Variants in PDE6C observed in about 807,000 individuals in gnomAD.
PDE6C encodes phosphodiesterase 6C, also known as cone cGMP-specific 3',5'-cyclic phosphodiesterase subunit alpha'.
In PDE6C, 75 loss-of-function variants were observed where a neutral mutation model predicts 113.1. That is an observed-to-expected ratio of 0.66 (90% confidence interval 0.55 to 0.80). The LOEUF is 0.80. Ranked by LOEUF, PDE6C falls within the 30% of genes least tolerant of loss-of-function variation. The pLI is 0.00. For synonymous variants in PDE6C, 375 were observed against 363.7 expected (o/e 1.03, Z -0.35); for missense variants, 912 against 1,038.6 (o/e 0.88, Z 1.67).
At chr10:93,644,257 C>A (rs1440858896) in intron 14 of PDE6C, among the ~76,000 whole-genome samples, 1 of 152,146 alleles carries the variant, frequency 6.6e-6, no homozygotes, top group African/African-American at 2.4e-5. Flanking sequence ...AACATTTTCT[C>A]CTTTGCAATT....
At chr10:93,613,756 G>T (rs1389513044) in intron 1 of PDE6C, among the ~76,000 whole-genome samples, 1 of 152,196 alleles carries the variant, frequency 6.6e-6, no homozygotes, top group African/African-American at 2.4e-5. Context: ...TGAAAGTTCA[G>T]ATGTTCAAAT....
intron 15 of PDE6C, among the ~76,000 whole-genome samples, chr10:93,648,485 C>T (rs759617847): frequency 6.6e-6 from 1 of 152,032 alleles, no homozygotes; most frequent in Non-Finnish European, 1.5e-5. Flanking sequence ...TTTTCATTCT[C>T]TAAAGAAAAT....
chr10:93,628,533 T>C (rs1392785907), intron 7 of PDE6C, among the ~76,000 whole-genome samples: 1 of 151,986 alleles, frequency 6.6e-6, no homozygotes, highest in Non-Finnish European at 1.5e-5. Flanking sequence ...TGCAGAGAGC[T>C]GAGATCGCGC....
In PDE6C at chr10:93,658,189, A is replaced by AG. The variant is rs1436323666; in HGVS notation, c.2037-712_2037-711insG. 1.0e-4 allele frequency among the ~76,000 whole-genome samples: 14 copies of AG among 140,200 alleles called. No homozygotes were observed. The South Asian group carries it at 2.2e-3, about 22-fold the overall frequency. 92.0% of individuals were successfully genotyped at this position (140,200 alleles called of 152,430 possible). On this transcript the variant is annotated intron_variant, in intron 16 of 21. Transcript: ENST00000371447. ...TGTCTCAAAAAAAAAAAAAAAAAAA[A>AG]AAAGAAAAAGAAAAAGAAAAGAAAG...
Position 93,612,705 on chromosome 10 carries a change from C to T in PDE6C, c.-21C>T, listed in dbSNP as rs374900090. The T allele has an allele frequency of 4.0e-5, 64 of 1,613,016 alleles. No individual in the cohort carries two copies. Among genetic ancestry groups the T allele is most frequent in the Admixed American group, 1.3e-4 (8 of 60,006 alleles). The stretch of plus-strand genomic sequence containing the variant: ...CTGAAGGTCGTCCTTTCTGAACAAA[C>T]GCAGCAAAGCAAGCCACACCATGGG... On this transcript the variant is annotated 5_prime_UTR_variant, in exon 1 of 22. In the 5' UTR this introduces an upstream ATG that the reference lacks. Coordinates refer to ENST00000371447, the MANE Select transcript of PDE6C (RefSeq NM_006204.4).
intron 7 of PDE6C, among the ~76,000 whole-genome samples, chr10:93,627,258 CAAAAAAAAA>C (rs57142181): frequency 7.6e-5 from 4 of 52,582 alleles, no homozygotes; most frequent in African/African-American, 1.9e-4. Context: ...TGAAACTCCA[CAAAAAAAAA>C]AAAAAAAAAA....
chr10:93,641,071 A>G (rs753523104), intron 14 of PDE6C, 42 bp downstream of exon 14: 9 of 1,174,800 alleles, frequency 7.7e-6, no homozygotes, highest in Non-Finnish European at 1.0e-5. Flanking sequence ...ATTGGTGGAC[A>G]TTGGAAAGTA....
Position 93,634,828 on chromosome 10 carries a change from A to G in PDE6C, c.1190A>G (p.Glu397Gly). 1 of 1,614,122 alleles carries G rather than the reference A, an allele frequency of 6.2e-7. No individual in the cohort carries two copies. The highest frequency in any genetic ancestry group is 8.5e-7 in the Non-Finnish European group (1 of 1,179,986). ...VLSLPIVNKK[E>G]DIVGVATFYN... ...TCCCTGCCTATTGTCAACAAGAAAG[A>G]AGATATTGTGGGAGTGGCTACATTT... The change falls in exon 9 of 22, where the codon GAA (glutamate) becomes GGA (glycine). Residue 397 changes from glutamate (E) to glycine (G), a missense_variant. Physicochemically the swap from Glu to Gly is moderately conservative, Grantham distance 98. Coordinates refer to ENST00000371447, the MANE Select transcript of PDE6C (RefSeq NM_006204.4).
In PDE6C at chr10:93,663,115, T is replaced by G; in HGVS notation, c.2455T>G (p.Tyr819Asp). 6.2e-7 allele frequency: 1 copy of G among 1,613,502 alleles called. No homozygotes were observed. Among genetic ancestry groups the G allele is most frequent in the Non-Finnish European group, 8.5e-7 (1 of 1,179,742 alleles). The part of the protein sequence containing the change: ...RVEWKSLADE[Y>D]DAKMKVIEEE... ...AGAATGGAAATCACTAGCTGATGAG[T>G]ATGATGCAAAGATGAAGGTCATTGA... Residue 819 changes from tyrosine (Y) to aspartate (D), a missense_variant, in exon 21 of 22, where the codon TAT becomes GAT. Physicochemically the swap from Tyr to Asp is radical, Grantham distance 160. Coordinates refer to ENST00000371447, the MANE Select transcript of PDE6C (RefSeq NM_006204.4).
intron 1 of PDE6C, among the ~76,000 whole-genome samples, chr10:93,617,838 A>T (rs1449624243): frequency 6.6e-6 from 1 of 152,192 alleles, no homozygotes; most frequent in Non-Finnish European, 1.5e-5. Flanking sequence ...TGGTATTTCG[A>T]TGATTCCTTT....
chr10:93,640,033 G>T, intron 11 of PDE6C, 37 bp from the exon 12 acceptor site: 1 of 1,612,344 alleles, frequency 6.2e-7, no homozygotes, highest in Non-Finnish European at 8.5e-7. Context: ...GAAAACAGAT[G>T]AATGTAATCT....
At chr10:93,626,972 A>T in intron 7 of PDE6C, 101 bp downstream of exon 7, 5 of 1,106,376 alleles carry the variant, frequency 4.5e-6, no homozygotes, top group South Asian at 3.9e-5. Flanking sequence ...ATCCAATAAA[A>T]GCTAGATGGG....
intron 4 of PDE6C, among the ~76,000 whole-genome samples, chr10:93,623,758 A>G (rs1008820591): frequency 2.0e-5 from 3 of 152,160 alleles, no homozygotes; most frequent in African/African-American, 7.2e-5. Flanking sequence ...CAAGTTAACT[A>G]TATTTGTAAG....
chr10:93,655,958 A>G (rs2058636050), intron 16 of PDE6C, 98 bp downstream of exon 16: 1 of 772,492 alleles, frequency 1.3e-6, no homozygotes, highest in Non-Finnish European at 2.4e-6. Flanking sequence ...GCATTTATTC[A>G]CACACATACA....
intron 14 of PDE6C, among the ~76,000 whole-genome samples, chr10:93,644,780 G>GTA (rs138885149): frequency 0.094 from 13,403 of 142,884 alleles, 726 homozygotes; most frequent in East Asian, 0.29. Flanking sequence ...TGTGGTGCGT[G>GTA]TATATATATA....
chr10:93,654,792 TTCTTTC>T (rs1221719515), intron 15 of PDE6C, among the ~76,000 whole-genome samples: 1 of 105,156 alleles, frequency 9.5e-6, no homozygotes, highest in African/African-American at 3.0e-5. Context: ...CTTTCTTTCT[TTCTTTC>T]TTTCTTTCTT....
intron 21 of PDE6C, among the ~76,000 whole-genome samples, chr10:93,664,235 A>G (rs1302995975): frequency 6.6e-6 from 1 of 152,242 alleles, no homozygotes; most frequent in African/African-American, 2.4e-5. Flanking sequence ...GATCTCGAAG[A>G]AGGCACTAGT....
intron 21 of PDE6C, 47 bp downstream of exon 21, chr10:93,663,225 G>A (rs375266899): frequency 3.4e-4 from 545 of 1,586,892 alleles, no homozygotes; most frequent in Non-Finnish European, 4.6e-4. Flanking sequence ...CCAGAAGCTA[G>A]GCTGAGCTTA....
rs2058400314 is a variant in PDE6C at position 93,613,098 on chromosome 10, G to A, written c.373G>A (p.Asp125Asn). Residue 125 changes from aspartate to asparagine, a missense_variant, in exon 1 of 22, where the codon GAC (aspartate) becomes AAC (asparagine). Coordinates refer to ENST00000371447, the MANE Select transcript of PDE6C (RefSeq NM_006204.4). Reference protein sequence around the residue: ...LDVTPTSKFEDNLVGPDKEVV... With the variant: ...LDVTPTSKFENNLVGPDKEVV... ...TGTCACCCCCACCTCCAAGTTTGAG[G>A]ACAACCTGGTGGGCCCTGACAAAGA... 2 of 1,614,096 alleles carry A rather than the reference G, an allele frequency of 1.2e-6. No homozygotes were observed. The highest frequency in any genetic ancestry group is 2.2e-5 in the South Asian group (2 of 91,086).
Sources: gnomAD v4.1 joint callset for allele counts (sites outside exome capture counted in the v4.1 genomes callset) on GRCh38, gnomAD v4.1.1 for gene constraint, MANE v1.5 for transcripts, NCBI Gene and HGNC (gene_info 2026-07-23, HGNC 2026-07-21) for gene names.